The following KLF8 variants were observed in gnomAD, a reference collection of about 807,000 sequenced individuals.
The protein encoded by KLF8 is KLF transcription factor 8.
In KLF8, 10 loss-of-function variants were observed where a neutral mutation model predicts 18.2. That is an observed-to-expected ratio of 0.55 (90% CI 0.34 to 0.93). The LOEUF is 0.93. Among genes scored for constraint, KLF8 ranks in the 40% least tolerant of loss-of-function variants. KLF8 has a pLI of 0.02. For missense variants in KLF8, 264 were observed against 277.9 expected (o/e 0.95, Z 0.36); for synonymous variants, 109 against 97.3 (o/e 1.12, Z -0.71).
the KLF8 span, among the ~76,000 whole-genome samples, chrX:56,207,764 G>T: frequency 1.8e-5 from 2 of 110,086 alleles, no homozygotes; most frequent in African/African-American, 6.6e-5. Context: ...TACCCAGTTC[G>T]AAAGTTGCTT....
At chrX:55,948,713 T>C in the KLF8 span, among the ~76,000 whole-genome samples, 2 of 110,328 alleles carry the variant, frequency 1.8e-5, no homozygotes, top group Middle Eastern at 4.2e-3. Flanking sequence ...CCATCACCAC[T>C]CTTGCAATAT....
the KLF8 span, among the ~76,000 whole-genome samples, chrX:55,990,928 A>G: frequency 5.3e-5 from 6 of 112,245 alleles, no homozygotes; most frequent in African/African-American, 1.6e-4. Context: ...ATGCCTCCCA[A>G]TTAGGCTACT....
the KLF8 span, among the ~76,000 whole-genome samples, chrX:56,190,072 G>C: frequency 9.1e-6 from 1 of 110,381 alleles, no homozygotes; most frequent in African/African-American, 3.3e-5. Context: ...CTAGTGATTT[G>C]TTACCTGCAA....
the KLF8 span, among the ~76,000 whole-genome samples, chrX:56,141,004 T>C: frequency 1.8e-5 from 2 of 111,746 alleles, no homozygotes; most frequent in Non-Finnish European, 3.8e-5. Flanking sequence ...TTTTTTGAGA[T>C]GGAGTCTCAC....
the KLF8 span, among the ~76,000 whole-genome samples, chrX:56,201,257 A>G: frequency 2.7e-5 from 3 of 112,262 alleles, no homozygotes; most frequent in African/African-American, 9.7e-5. Context: ...ATACATACAT[A>G]CAGTGAAATA....
chrX:56,201,330 A>G, the KLF8 span, among the ~76,000 whole-genome samples: 3 of 112,010 alleles, frequency 2.7e-5, no homozygotes, highest in Middle Eastern at 4.6e-3. Context: ...GAGCTGGAGG[A>G]TAAGATGCTA....
At chrX:56,032,829 A>T in the KLF8 span, among the ~76,000 whole-genome samples, 1 of 111,616 alleles carries the variant, frequency 9.0e-6, no homozygotes, top group African/African-American at 3.3e-5. Context: ...TTGTGTTTGT[A>T]TTTTGGGATG....
the KLF8 span, among the ~76,000 whole-genome samples, chrX:55,958,813 T>C: frequency 8.9e-6 from 1 of 112,597 alleles, no homozygotes; most frequent in Non-Finnish European, 1.9e-5. Context: ...AATACATTCA[T>C]AGAAGAGAGA....
rs2067316292 is a variant in KLF8, at chrX:56,290,923, C to G, written c.*6429C>G. On this transcript the variant is annotated 3_prime_UTR_variant, in exon 6 of 6. Coordinates refer to ENST00000468660, the MANE Select transcript of KLF8 (RefSeq NM_007250.5). ...ACTATTTTGTTAACTGTTAAAAGCT[C>G]TCCTTCCTTTCCTAGAGTCGCTACA... Among the ~76,000 whole-genome samples the G allele has an allele frequency of 9.0e-6, 1 of 111,458 alleles. No individual in the cohort carries two copies. Among genetic ancestry groups the G allele is most frequent in the Non-Finnish European group, 1.9e-5 (1 of 53,062 alleles).
At chrX:56,126,751 T>A in the KLF8 span, among the ~76,000 whole-genome samples, 1 of 83,724 alleles carries the variant, frequency 1.2e-5, no homozygotes, top group Non-Finnish European at 2.4e-5. Flanking sequence ...TTTCTTTCTT[T>A]CTTTTTTTTT....
intron 2 of KLF8, 66 bp from the exon 3 acceptor site, chrX:56,265,114 T>C (rs913469904): frequency 3.7e-6 from 4 of 1,084,157 alleles, no homozygotes; most frequent in Non-Finnish European, 3.6e-6. Context: ...TTTTTTACAT[T>C]GCTTGCATGT....
In KLF8 at chrX:56,233,228, A is replaced by G; in HGVS notation, c.-107A>G. 1 of 958,578 alleles carries G rather than the reference A, an allele frequency of 1.0e-6. No individual in the cohort carries two copies. The highest frequency in any genetic ancestry group is 1.5e-6 in the Non-Finnish European group (1 of 671,501). The allele number at this position is 958,578 out of a possible 1,213,427, so 79.0% of individuals were successfully genotyped here. The stretch of plus-strand genomic sequence containing the variant: ...ACGCGTCGCCCTGCGCTATGTCAGA[A>G]TGGGGCGGGTGTGAGGGGAACAGCT... On this transcript the variant is annotated 5_prime_UTR_variant, in exon 1 of 6. The change abolishes an upstream ATG in the 5' untranslated region. Transcript: ENST00000468660.
the KLF8 span, among the ~76,000 whole-genome samples, chrX:56,187,696 C>G: frequency 9.0e-6 from 1 of 110,615 alleles, no homozygotes; most frequent in South Asian, 3.9e-4. Flanking sequence ...GGCTTCATCC[C>G]TGGGATGCAA....
At chrX:55,927,666 G>A in the KLF8 span, among the ~76,000 whole-genome samples, 2 of 112,293 alleles carry the variant, frequency 1.8e-5, no homozygotes, top group African/African-American at 3.2e-5. Context: ...CTAAAAGATT[G>A]TGGATCATTT....
chrX:56,266,834 A>C (rs1454297278), intron 3 of KLF8: 3 of 751,888 alleles, frequency 4.0e-6, no homozygotes, highest in Non-Finnish European at 4.7e-6. Flanking sequence ...CCTGTACTAA[A>C]TGTAGGAGGC....
At chrX:56,034,532 A>G in the KLF8 span, among the ~76,000 whole-genome samples, 5 of 110,467 alleles carry the variant, frequency 4.5e-5, no homozygotes, top group African/African-American at 1.3e-4. Context: ...TTGTTTTATG[A>G]TTGACACAGT....
chrX:55,989,959 C>T, the KLF8 span, among the ~76,000 whole-genome samples: 1 of 111,733 alleles, frequency 8.9e-6, no homozygotes, highest in East Asian at 2.8e-4. Context: ...GGAATTTACC[C>T]ATTTCTTCTA....
chrX:56,113,041 C>T, the KLF8 span, among the ~76,000 whole-genome samples: 3 of 109,218 alleles, frequency 2.7e-5, no homozygotes, highest in East Asian at 2.8e-4. Context: ...GGTGAAACCC[C>T]GTCTCTACTA....
chrX:55,915,723 TAACAC>T, the KLF8 span, among the ~76,000 whole-genome samples: 1 of 112,153 alleles, frequency 8.9e-6, no homozygotes, highest in Admixed American at 9.4e-5. Context: ...TGGTGACACT[TAACAC>T]AAGCTGAAGC....
Sources: allele counts gnomAD v4.1 joint callset (sites outside exome capture counted in the v4.1 genomes callset), GRCh38; gene constraint gnomAD v4.1.1; transcripts MANE v1.5; gene names NCBI Gene and HGNC (gene_info 2026-07-23, HGNC 2026-07-21).